SBF2: variants seen among roughly 807,000 people sequenced by gnomAD.
SBF2 encodes the protein SET binding factor 2.
Under a neutral mutation model 225.2 loss-of-function variants are expected in SBF2, and 112 were observed. That is an observed-to-expected ratio of 0.50 (90% confidence interval 0.43 to 0.58). The LOEUF (loss-of-function observed/expected upper bound fraction) is 0.58, where lower values mean the gene tolerates loss of function less well. Ranked by LOEUF, SBF2 falls within the 20% of genes least tolerant of loss-of-function variation. The pLI, the probability that SBF2 is intolerant of heterozygous loss-of-function variation, is 0.00. For synonymous variants in SBF2, 763 were observed against 773.3 expected (o/e 0.99, Z 0.22); for missense variants, 1,996 against 2,206.2 (o/e 0.90, Z 1.91).
At chr11:10,186,761 C>T (rs996776627) in intron 2 of SBF2, among the ~76,000 whole-genome samples, 2 of 152,166 alleles carry the variant, frequency 1.3e-5, no homozygotes, top group Non-Finnish European at 2.9e-5. Context: ...TATCCTGAAA[C>T]TATTTAGGGC....
rs189608184 is a variant in SBF2 at position 10,199,704 on chromosome 11, G to A, written c.56-5717C>T. Among the ~76,000 whole-genome samples the A allele has an allele frequency of 2.6e-5, 4 of 152,192 alleles. No homozygotes were observed. The East Asian group carries it at 7.7e-4, about 29-fold the overall frequency. On this transcript the variant is annotated intron_variant, in intron 1 of 39. Coordinates refer to ENST00000256190, the MANE Select transcript of SBF2 (RefSeq NM_030962.4). The stretch of plus-strand genomic sequence containing the variant: ...AGGGATTTAGGAGGCCCAGGAGTGA[G>A]GAGGCCAGAAGTTTGAGACCAGCCT...
intron 12 of SBF2, among the ~76,000 whole-genome samples, chr11:9,991,362 G>A (rs1372036548): frequency 6.6e-6 from 1 of 152,046 alleles, no homozygotes; most frequent in Non-Finnish European, 1.5e-5. Context: ...ATTCTTACCT[G>A]TGAATACTTC....
intron 6 of SBF2, among the ~76,000 whole-genome samples, chr11:10,004,184 T>A (rs1462405099): frequency 6.6e-6 from 1 of 152,122 alleles, no homozygotes; most frequent in Non-Finnish European, 1.5e-5. Context: ...GTTTCTAGAA[T>A]AATGGAAAAA....
chr11:9,979,955 C>A (rs1002312737), intron 13 of SBF2, among the ~76,000 whole-genome samples: 10 of 151,504 alleles, frequency 6.6e-5, no homozygotes, highest in African/African-American at 2.2e-4. Flanking sequence ...CCTGAACAGG[C>A]AGGACTATAG....
At chr11:9,848,864 C>T (rs968037683) in intron 22 of SBF2, among the ~76,000 whole-genome samples, 1 of 152,192 alleles carries the variant, frequency 6.6e-6, no homozygotes, top group Non-Finnish European at 1.5e-5. Context: ...GGTAAGCAGT[C>T]TTTTATGACT....
At chr11:10,253,118 CAAAAAAA>C (rs546522229) in intron 1 of SBF2, among the ~76,000 whole-genome samples, 102 of 77,262 alleles carry the variant, frequency 1.3e-3, no homozygotes, top group East Asian at 4.8e-3. Context: ...AGGTAAATAC[CAAAAAAA>C]AAAAAAAAAA....
intron 2 of SBF2, among the ~76,000 whole-genome samples, chr11:10,129,641 T>A (rs1953935133): frequency 6.6e-6 from 1 of 152,208 alleles, no homozygotes; most frequent in African/African-American, 2.4e-5. Flanking sequence ...TCTAATCTTC[T>A]GGGAAGTAAA....
chr11:10,220,161 A>T (rs1958290831), intron 1 of SBF2, among the ~76,000 whole-genome samples: 1 of 152,208 alleles, frequency 6.6e-6, no homozygotes, highest in African/African-American at 2.4e-5. Flanking sequence ...AAGGCAAAGG[A>T]GATGCAAAGG....
chr11:9,994,809 G>A (rs1681290988), intron 9 of SBF2, among the ~76,000 whole-genome samples: 1 of 152,070 alleles, frequency 6.6e-6, no homozygotes, highest in Admixed American at 6.5e-5. Flanking sequence ...GGGCAACGTG[G>A]GTGGATCACT....
At chr11:10,198,225 G>C (rs1257552380) in intron 1 of SBF2, among the ~76,000 whole-genome samples, 2 of 152,300 alleles carry the variant, frequency 1.3e-5, no homozygotes, top group South Asian at 2.1e-4. Context: ...AGTAAAACTT[G>C]AAAGTCAAAA....
chr11:10,056,583 A>G (rs979319058), intron 2 of SBF2, among the ~76,000 whole-genome samples: 2 of 152,206 alleles, frequency 1.3e-5, no homozygotes, highest in Non-Finnish European at 2.9e-5. Flanking sequence ...ATTTTCGTAT[A>G]TTGATTTTGT....
rs572417868 is a variant in SBF2, at chr11:9,876,370, C to T, written c.1930-17974G>A. ...GTGTTATAAACTGAATGTTTGTGTC[C>T]CCCTTAAATTCATATGTTGAAACCC... On this transcript the variant is annotated intron_variant, in intron 17 of 39. Coordinates refer to ENST00000256190, the MANE Select transcript of SBF2 (RefSeq NM_030962.4). 5.9e-5 allele frequency among the ~76,000 whole-genome samples: 9 copies of T among 152,168 alleles called. No individual in the cohort carries two copies. In the South Asian group the frequency reaches 1.9e-3, roughly 32 times the overall value.
chr11:9,949,013 CT>C (rs972544596), intron 16 of SBF2, among the ~76,000 whole-genome samples: 1 of 151,936 alleles, frequency 6.6e-6, no homozygotes, highest in African/African-American at 2.4e-5. Flanking sequence ...GCTGCCATTA[CT>C]TCTCTCCCTG....
rs187883504 is a variant in SBF2, at chr11:9,779,453, C to T, written c.*965G>A. The T allele has an allele frequency of 6.5e-6, 1 of 152,738 alleles. No individual in the cohort carries two copies. Among genetic ancestry groups the T allele is most frequent in the East Asian group, 1.9e-4 (1 of 5,180 alleles). 9.5% of individuals were successfully genotyped at this position (152,738 alleles called of 1,614,324 possible). ...TATCAAAGTAAAGAAAATCTAAAGA[C>T]AGTTCTTACTTTTCATGTGTAGAAG... On this transcript the variant is annotated 3_prime_UTR_variant, in exon 40 of 40. Coordinates refer to ENST00000256190, the MANE Select transcript of SBF2 (RefSeq NM_030962.4).
At chr11:10,010,707 T>C (rs1470135284) in intron 6 of SBF2, among the ~76,000 whole-genome samples, 1 of 152,170 alleles carries the variant, frequency 6.6e-6, no homozygotes, top group African/African-American at 2.4e-5. Context: ...CTTAGGACTG[T>C]CTTGGCTATA....
At chr11:9,792,571 T>C (rs1852819952) in intron 33 of SBF2, among the ~76,000 whole-genome samples, 1 of 151,968 alleles carries the variant, frequency 6.6e-6, no homozygotes, top group South Asian at 2.1e-4. Context: ...TGATAACGAG[T>C]GCATCTACCA....
At chr11:10,274,264 T>C (rs548154607) in intron 1 of SBF2, among the ~76,000 whole-genome samples, 1 of 152,178 alleles carries the variant, frequency 6.6e-6, no homozygotes, top group South Asian at 2.1e-4. Context: ...AGGACTAGGG[T>C]TTCATTTTAT....
intron 1 of SBF2, among the ~76,000 whole-genome samples, chr11:10,271,162 A>G (rs1311175123): frequency 6.6e-6 from 1 of 151,824 alleles, no homozygotes; most frequent in African/African-American, 2.4e-5. Flanking sequence ...ACAAGGGAGT[A>G]GCAATTGCAA....
At chr11:10,269,766 T>C (rs569524671) in intron 1 of SBF2, among the ~76,000 whole-genome samples, 10 of 146,010 alleles carry the variant, frequency 6.8e-5, no homozygotes, top group South Asian at 4.1e-4. Flanking sequence ...TCCCACACTT[T>C]ATCTATTTTT....
Sources: gnomAD v4.1 joint callset for allele counts (sites outside exome capture counted in the v4.1 genomes callset) on GRCh38, gnomAD v4.1.1 for gene constraint, MANE v1.5 for transcripts, NCBI Gene and HGNC (gene_info 2026-07-23, HGNC 2026-07-21) for gene names.